Variants in TMEM163 observed in about 807,000 individuals in gnomAD.
TMEM163 encodes the protein transmembrane protein 163.
A neutral mutation model predicts 29.3 loss-of-function variants in TMEM163; 17 were observed. That is an observed-to-expected ratio of 0.58 (90% CI 0.40 to 0.87). The LOEUF is 0.87. Ranked by LOEUF, TMEM163 falls within the 40% of genes least tolerant of loss-of-function variation. TMEM163 has a pLI of 0.00. For synonymous variants in TMEM163, 157 were observed against 160.6 expected (o/e 0.98, Z 0.17); for missense variants, 303 against 381.5 (o/e 0.79, Z 1.71).
intron 5 of TMEM163, among the ~76,000 whole-genome samples, chr2:134,485,108 T>G (rs1011324702): frequency 6.6e-6 from 1 of 152,198 alleles, no homozygotes; most frequent in Non-Finnish European, 1.5e-5. Context: ...TGGGGTTATG[T>G]CCGGATAAAC....
intron 2 of TMEM163, among the ~76,000 whole-genome samples, chr2:134,687,931 T>C (rs1217183343): frequency 1.3e-5 from 2 of 151,166 alleles, no homozygotes; most frequent in East Asian, 3.9e-4. Flanking sequence ...TGGGGAAGAG[T>C]TCTGAGTTCA....
chr2:134,465,189 T>TAAAAAAA (rs1181405890), intron 6 of TMEM163, among the ~76,000 whole-genome samples: 2 of 117,714 alleles, frequency 1.7e-5, no homozygotes, highest in African/African-American at 7.5e-5. Flanking sequence ...TCCGCATCTT[T>TAAAAAAA]AAAAAAAAAA....
chr2:134,456,145 C>CTT lies in TMEM163; in HGVS notation c.*569_*570dup. On this transcript the variant is annotated 3_prime_UTR_variant, in exon 8 of 8. Transcript: ENST00000281924. ...AAGCTTATACGTGTATCACTAAGTA[C>CTT]TTTAAAAAATAGAATGGTCTCCTTT... 1 of 153,268 alleles carries CTT rather than the reference C, an allele frequency of 6.5e-6. No homozygotes were observed. Among genetic ancestry groups the CTT allele is most frequent in the East Asian group, 1.9e-4 (1 of 5,176 alleles). 9.5% of individuals were successfully genotyped at this position (153,268 alleles called of 1,614,324 possible).
At chr2:134,528,524 G>A (rs1161770887) in intron 4 of TMEM163, among the ~76,000 whole-genome samples, 1 of 152,208 alleles carries the variant, frequency 6.6e-6, no homozygotes, top group Non-Finnish European at 1.5e-5. Flanking sequence ...TTAGGGTATG[G>A]TGAGGTGAAC....
chr2:134,718,704 C>A, intron 1 of TMEM163, 30 bp downstream of exon 1: 1 of 1,137,582 alleles, frequency 8.8e-7, no homozygotes, highest in South Asian at 4.0e-5. Flanking sequence ...CCACCCCGGT[C>A]GCCGGCCGGG....
rs760857699 is a variant in TMEM163, at chr2:134,550,630, G to A, written c.398C>T (p.Ala133Val). The A allele has an allele frequency of 6.1e-5, 99 of 1,614,042 alleles. No individual in the cohort carries two copies. The highest frequency in any genetic ancestry group is 2.1e-4 in the South Asian group (19 of 91,078). ...GTTGCTGTAACGCCACAGGACAATC[G>A]CCGATGACAGGACGTCCAGGATGGC... ...FDAILDVLSSAIVLWRYSNAA... is the reference protein window; with the variant it reads ...FDAILDVLSSVIVLWRYSNAA... The change falls in exon 4 of 8, where the codon GCG (alanine) becomes GTG (valine). Residue 133 changes from alanine to valine, a missense_variant. Transcript: ENST00000281924.
intron 2 of TMEM163, among the ~76,000 whole-genome samples, chr2:134,662,143 G>A (rs1452556967): frequency 1.3e-5 from 2 of 151,926 alleles, no homozygotes; most frequent in African/African-American, 4.8e-5. Context: ...CACCGTGTTA[G>A]CCAGGATGGT....
chr2:134,457,927 C>T (rs937497358), intron 7 of TMEM163, 105 bp downstream of exon 7: 2 of 1,556,842 alleles, frequency 1.3e-6, no homozygotes, highest in Non-Finnish European at 1.7e-6. Flanking sequence ...GGCACAGGTA[C>T]AAAATATGAC....
chr2:134,700,913 A>AATAC (rs1352510271), intron 2 of TMEM163, among the ~76,000 whole-genome samples: 21 of 110,836 alleles, frequency 1.9e-4, no homozygotes, highest in Non-Finnish European at 2.5e-4. Context: ...AAAATACATA[A>AATAC]ATAAATAAAT....
intron 2 of TMEM163, among the ~76,000 whole-genome samples, chr2:134,705,404 C>T (rs1340113686): frequency 6.6e-6 from 1 of 152,030 alleles, no homozygotes; most frequent in African/African-American, 2.4e-5. Flanking sequence ...GACAACCACA[C>T]AAAGACACAG....
intron 2 of TMEM163, among the ~76,000 whole-genome samples, chr2:134,705,103 G>T (rs1014393624): frequency 6.6e-6 from 1 of 151,880 alleles, no homozygotes; most frequent in Non-Finnish European, 1.5e-5. Flanking sequence ...CCAGCTACTC[G>T]GGAGGCTGAG....
At chr2:134,610,194 C>T (rs1682470856) in intron 2 of TMEM163, among the ~76,000 whole-genome samples, 1 of 152,186 alleles carries the variant, frequency 6.6e-6, no homozygotes, top group South Asian at 2.1e-4. Flanking sequence ...GACCCTCATC[C>T]CCTAAGTGAA....
chr2:134,561,030 G>C (rs1380768484), intron 2 of TMEM163, among the ~76,000 whole-genome samples: 1 of 152,220 alleles, frequency 6.6e-6, no homozygotes, highest in Non-Finnish European at 1.5e-5. Flanking sequence ...TCTTCAGTCT[G>C]GGAATAAGCA....
In TMEM163 at chr2:134,697,549, C is replaced by T. The variant is rs539468903; in HGVS notation, c.322+15651G>A. 5.8e-4 allele frequency among the ~76,000 whole-genome samples: 87 copies of T among 151,128 alleles called. 1 individual carries two copies. In the South Asian group the frequency reaches 0.011, roughly 20 times the overall value. On this transcript the variant is annotated intron_variant, in intron 2 of 7. Coordinates refer to ENST00000281924, the MANE Select transcript of TMEM163 (RefSeq NM_030923.5). ...GTGCACTCTCAGCTGACTGCAACCT[C>T]CGCCTCCCGGGTTCAAGTGATTCTC...
At chr2:134,612,540 C>CTAA (rs1682527776) in intron 2 of TMEM163, among the ~76,000 whole-genome samples, 1 of 115,568 alleles carries the variant, frequency 8.7e-6, no homozygotes, top group Non-Finnish European at 1.7e-5. Flanking sequence ...AAGGTTTGCC[C>CTAA]CAACACACAC....
rs1360378630 is a variant in TMEM163 at position 134,456,792 on chromosome 2, C to T, written c.810-16G>A. 1 of 1,612,656 alleles carries T rather than the reference C, an allele frequency of 6.2e-7. No individual in the cohort carries two copies. The highest frequency in any genetic ancestry group is 8.5e-7 in the Non-Finnish European group (1 of 1,179,450). ...GATGAGGAGTCTGCAAAGACGAAGACAGACAAGGTCACCTCCATGGCATGG... is the reference window on the plus strand; with the variant it reads ...GATGAGGAGTCTGCAAAGACGAAGATAGACAAGGTCACCTCCATGGCATGG... On this transcript the variant is annotated splice_polypyrimidine_tract_variant and intron_variant, in intron 7 of 7. Coordinates refer to ENST00000281924, the MANE Select transcript of TMEM163 (RefSeq NM_030923.5).
rs148534034 is a variant in TMEM163 at position 134,645,215 on chromosome 2, T to C, written c.322+67985A>G. Among the ~76,000 whole-genome samples, 710 of 152,350 alleles carry C rather than the reference T, an allele frequency of 4.7e-3. 5 individuals carry two copies. The highest frequency in any genetic ancestry group is 0.015 in the African/African-American group (604 of 41,576). The stretch of plus-strand genomic sequence containing the variant: ...TGAAAAACAGTTTGACAATTTCTTA[T>C]AAATTTAAACATACACTTGCCATAT... On this transcript the variant is annotated intron_variant, in intron 2 of 7. Coordinates refer to ENST00000281924, the MANE Select transcript of TMEM163 (RefSeq NM_030923.5).
chr2:134,677,491 T>C (rs1435483309), intron 2 of TMEM163, among the ~76,000 whole-genome samples: 1 of 152,188 alleles, frequency 6.6e-6, no homozygotes, highest in Admixed American at 6.5e-5. Context: ...CCAAGCCATG[T>C]ATTGCTTTTA....
At chr2:134,579,323 T>TA (rs1681637216) in intron 2 of TMEM163, among the ~76,000 whole-genome samples, 1 of 152,180 alleles carries the variant, frequency 6.6e-6, no homozygotes, top group Non-Finnish European at 1.5e-5. Flanking sequence ...CGCTACAAAA[T>TA]AAAATGGATT....
Sources: allele counts gnomAD v4.1 joint callset (sites outside exome capture counted in the v4.1 genomes callset), GRCh38; gene constraint gnomAD v4.1.1; transcripts MANE v1.5; gene names NCBI Gene and HGNC (gene_info 2026-07-23, HGNC 2026-07-21).